APC: variants seen among roughly 807,000 people sequenced by gnomAD.
APC encodes adenomatous polyposis coli protein.
A neutral mutation model predicts 247.0 loss-of-function variants in APC; 72 were observed. The observed-to-expected ratio is 0.29, with a 90% CI of 0.24 to 0.35. The LOEUF is 0.35. Among genes scored for constraint, APC ranks in the 10% least tolerant of loss-of-function variants. The probability of loss-of-function intolerance (pLI) is 1.00; values close to 1 mark genes in which losing one functional copy is unlikely to be tolerated. For synonymous variants in APC, 1,254 were observed against 1,162.5 expected, an observed-to-expected ratio of 1.08 and a Z score of -1.60; for missense variants, 3,400 against 3,360.7, an observed-to-expected ratio of 1.01 and a Z score of -0.29.
At chr5:112,729,410 T>A (rs3887380) in intron 1 of APC, among the ~76,000 whole-genome samples, 6,106 of 152,260 alleles carry the variant, frequency 0.04, 367 homozygotes, top group African/African-American at 0.13. Flanking sequence ...GAAGGTGTGA[T>A]CTTTGAAAAT....
rs1766772929 is a variant in APC, at chr5:112,844,128, A to G, written c.*2A>G. On this transcript the variant is annotated 3_prime_UTR_variant, in exon 16 of 16. Transcript: ENST00000257430. ...TCTTACCTTGTGACATCTGTTTAAAAGAGAGGAAGAATGAAACTAAGAAAA... is the reference window on the plus strand; with the variant it reads ...TCTTACCTTGTGACATCTGTTTAAAGGAGAGGAAGAATGAAACTAAGAAAA... 5 of 1,608,332 alleles carry G rather than the reference A, an allele frequency of 3.1e-6. No homozygotes were observed. Among genetic ancestry groups the G allele is most frequent in the East Asian group, 4.5e-5 (2 of 44,846 alleles).
chr5:112,799,281 C>T (rs1238312411), intron 7 of APC, among the ~76,000 whole-genome samples: 1 of 152,044 alleles, frequency 6.6e-6, no homozygotes, highest in Middle Eastern at 3.4e-3. Flanking sequence ...ACTACCCCAC[C>T]TTGCAGCAAA....
chr5:112,740,282 A>G (rs1252904123), intron 1 of APC, among the ~76,000 whole-genome samples: 3 of 152,290 alleles, frequency 2.0e-5, no homozygotes, highest in East Asian at 1.9e-4. Flanking sequence ...TTTAAGTAGA[A>G]CAGTGTTAGA....
chr5:112,811,162 T>C (rs1449357576), intron 8 of APC, among the ~76,000 whole-genome samples: 5 of 152,162 alleles, frequency 3.3e-5, no homozygotes, highest in African/African-American at 1.2e-4. Flanking sequence ...GAAAGTTGGA[T>C]AGGAAAAAGG....
intron 2 of APC, among the ~76,000 whole-genome samples, chr5:112,755,456 C>A (rs547117836): frequency 6.6e-6 from 1 of 152,156 alleles, no homozygotes; most frequent in South Asian, 2.1e-4. Context: ...ATCAGGATAC[C>A]CTACTGGGAA....
intron 8 of APC, among the ~76,000 whole-genome samples, chr5:112,805,971 C>T (rs1275510703): frequency 6.6e-6 from 1 of 152,190 alleles, no homozygotes; most frequent in Non-Finnish European, 1.5e-5. Context: ...CCCTACCTAT[C>T]TTGTCAGCTT....
chr5:112,748,023 C>G (rs1364497550), intron 1 of APC, among the ~76,000 whole-genome samples: 3 of 152,106 alleles, frequency 2.0e-5, no homozygotes, highest in African/African-American at 4.8e-5. Context: ...GCTACAAAGT[C>G]AAGTAGTTGC....
At chr5:112,830,813 T>G (rs1764211836) in intron 14 of APC, among the ~76,000 whole-genome samples, 1 of 152,220 alleles carries the variant, frequency 6.6e-6, no homozygotes, top group Middle Eastern at 3.4e-3. Flanking sequence ...TATGAGAGGG[T>G]AGGAAACTTT....
chr5:112,844,557 A>C lies in APC; in HGVS notation c.*431A>C, dbSNP rs1259344095. 4.2e-6 allele frequency: 1 copy of C among 238,164 alleles called. No homozygotes were observed. Among genetic ancestry groups the C allele is most frequent in the Non-Finnish European group, 8.2e-6 (1 of 121,472 alleles). The allele number at this position is 238,164 out of a possible 1,614,324, so 14.8% of individuals were successfully genotyped here. A position where few individuals can be genotyped will look rare whatever the true frequency, so the allele number is the denominator to read the frequency against. The stretch of plus-strand genomic sequence containing the variant: ...AAAAAAAAATGTTTTTGTCCTTGTG[A>C]GTCCATCTAACATCATAATTAATCA... On this transcript the variant is annotated 3_prime_UTR_variant, in exon 16 of 16. Transcript: ENST00000257430.
chr5:112,788,257 G>A (rs1759195633), intron 6 of APC, among the ~76,000 whole-genome samples: 1 of 152,068 alleles, frequency 6.6e-6, no homozygotes, highest in South Asian at 2.1e-4. Context: ...GTAGTATTCT[G>A]CCTTATTACT....
At chr5:112,739,645 G>A (rs1274888534) in intron 1 of APC, among the ~76,000 whole-genome samples, 1 of 152,186 alleles carries the variant, frequency 6.6e-6, no homozygotes, top group Non-Finnish European at 1.5e-5. Context: ...GAGGCAGGAG[G>A]ATCACTTGAG....
rs755954869 is a variant in APC at position 112,707,850 on chromosome 5, C to A, written c.133C>A (p.Arg45Ser). ...GGAGACGAAGAGCCCGGGCGGCGCTCGTACTTCTGGCCACTGGGCGAGCGT... is the reference window on the plus strand; with the variant it reads ...GGAGACGAAGAGCCCGGGCGGCGCTAGTACTTCTGGCCACTGGGCGAGCGT... Residue 45 changes from arginine (R) to serine (S), a missense_variant, in exon 1 of 14, where the codon CGT becomes AGT. Transcript: ENST00000507379. 7.3e-7 allele frequency: 1 copy of A among 1,370,354 alleles called. No homozygotes were observed. The highest frequency in any genetic ancestry group is 1.2e-5 in the South Asian group (1 of 81,698). The allele number at this position is 1,370,354 out of a possible 1,614,324, so 84.9% of individuals were successfully genotyped here.
chr5:112,789,876 T>C (rs939900340), intron 6 of APC, among the ~76,000 whole-genome samples: 2 of 152,146 alleles, frequency 1.3e-5, no homozygotes, highest in Non-Finnish European at 2.9e-5. Context: ...TTTTTCTATT[T>C]TTTTGAGACA....
intron 8 of APC, among the ~76,000 whole-genome samples, chr5:112,811,916 C>T (rs1762018132): frequency 1.3e-5 from 2 of 152,160 alleles, no homozygotes; most frequent in African/African-American, 4.8e-5. Flanking sequence ...CAGTCATCTC[C>T]ACACATAACC....
At chr5:112,768,233 G>C (rs1476471357) in intron 4 of APC, among the ~76,000 whole-genome samples, 1 of 151,824 alleles carries the variant, frequency 6.6e-6, no homozygotes, top group East Asian at 1.9e-4. Flanking sequence ...AGTAGAGACA[G>C]TGTTTCACCA....
chr5:112,764,693 C>T (rs916052255), intron 2 of APC, among the ~76,000 whole-genome samples: 3 of 152,024 alleles, frequency 2.0e-5, no homozygotes, highest in African/African-American at 7.2e-5. Context: ...ATTAACTGCT[C>T]AAGGGTAGTT....
rs876659361 is a variant in APC, at chr5:112,754,965, A to G, written c.75A>G (p.Gln25=). ...AGATGGAGAACTCAAATCTTCGACA[A>G]GAGCTAGAAGATAATTCCAATCATC... ...ALKMENSNLR[Q]ELEDNSNHLT... is the part of the protein sequence containing the mutation. The change falls in exon 2 of 16, where the codon CAA becomes CAG. Residue 25 remains glutamine (Q), a synonymous_variant. Coordinates refer to ENST00000257430, the MANE Select transcript of APC (RefSeq NM_000038.6). 30 of 1,613,836 alleles carry G rather than the reference A, an allele frequency of 1.9e-5. No individual in the cohort carries two copies. The highest frequency in any genetic ancestry group is 2.5e-5 in the Non-Finnish European group (29 of 1,179,786).
intron 5 of APC, 49 bp downstream of exon 5, chr5:112,775,786 T>C (rs749299077): frequency 3.0e-6 from 3 of 1,010,826 alleles, no homozygotes; most frequent in African/African-American, 3.2e-5. Context: ...TAACTTGATA[T>C]TTTAAAGTAC....
At chr5:112,763,588 G>A (rs1755914633) in intron 2 of APC, among the ~76,000 whole-genome samples, 1 of 151,916 alleles carries the variant, frequency 6.6e-6, no homozygotes, top group Middle Eastern at 3.4e-3. Context: ...GAAAAAATTA[G>A]ATGTATGTCC....
Sources: allele counts gnomAD v4.1 joint callset (sites outside exome capture counted in the v4.1 genomes callset), GRCh38; gene constraint gnomAD v4.1.1; transcripts MANE v1.5; gene names NCBI Gene and HGNC (gene_info 2026-07-23, HGNC 2026-07-21).